TTC28: variants seen among roughly 807,000 people sequenced by gnomAD.
TTC28 encodes tetratricopeptide repeat protein 28.
In TTC28, 61 loss-of-function variants were observed where a neutral mutation model predicts 198.0. The ratio of observed to expected loss-of-function variants is 0.31; its 90% CI spans 0.25 to 0.38. TTC28 has a LOEUF of 0.38. TTC28 is among the 10% of genes least tolerant of loss of function. The pLI, the probability that TTC28 is intolerant of heterozygous loss-of-function variation, is 1.00. For missense variants in TTC28, 2,678 were observed against 3,164.0 expected (o/e 0.85, Z 3.69); for synonymous variants, 1,171 against 1,297.8 (o/e 0.90, Z 2.10).
At chr22:28,074,635 G>T (rs12170558) in intron 12 of TTC28, among the ~76,000 whole-genome samples, 10,124 of 152,278 alleles carry the variant, frequency 0.066, 395 homozygotes, top group South Asian at 0.089. Context: ...GCCTAGATCA[G>T]TCTGAATTCC....
chr22:28,327,349 C>T (rs572050487), intron 2 of TTC28, among the ~76,000 whole-genome samples: 6 of 152,192 alleles, frequency 3.9e-5, no homozygotes, highest in South Asian at 4.2e-4. Context: ...ATAGTACTAA[C>T]GTGTTATCTA....
intron 1 of TTC28, among the ~76,000 whole-genome samples, chr22:28,645,223 C>A (rs112958841): frequency 0.01 from 1,536 of 152,160 alleles, 34 homozygotes; most frequent in East Asian, 0.082. Context: ...AATAATAATG[C>A]TCCAGTTCAA....
chr22:28,281,997 G>C (rs2044591639), intron 5 of TTC28, among the ~76,000 whole-genome samples: 1 of 152,120 alleles, frequency 6.6e-6, no homozygotes, highest in African/African-American at 2.4e-5. Flanking sequence ...CAATCAATAA[G>C]GCTACAAGTT....
At chr22:28,134,728 T>C (rs1329285259) in intron 6 of TTC28, among the ~76,000 whole-genome samples, 1 of 152,042 alleles carries the variant, frequency 6.6e-6, no homozygotes, top group Non-Finnish European at 1.5e-5. Flanking sequence ...CTGACTGGTG[T>C]ACCTGAAAGT....
chr22:27,994,989 G>A (rs901387372), intron 17 of TTC28, among the ~76,000 whole-genome samples: 14 of 152,182 alleles, frequency 9.2e-5, no homozygotes, highest in Non-Finnish European at 1.6e-4. Flanking sequence ...GGGGCACGCT[G>A]GGGGCTTGCT....
In TTC28 at chr22:27,999,132, T is replaced by C; in HGVS notation, c.4527A>G (p.Glu1509=). ...WLWGPMPSAE[E]EAYMVSELLG... is the part of the protein sequence containing the mutation. ...GCAGCTCGGACACCATGTAGGCCTCTTCCTCGGCCGATGGCATGGGCCCCC... is the reference window on the plus strand; with the variant it reads ...GCAGCTCGGACACCATGTAGGCCTCCTCCTCGGCCGATGGCATGGGCCCCC... The change falls in exon 16 of 23, where the codon GAA becomes GAG. Residue 1509 remains glutamate (E), a synonymous_variant. Transcript: ENST00000397906. The C allele has an allele frequency of 6.4e-7, 1 of 1,550,574 alleles. No individual in the cohort carries two copies. Among genetic ancestry groups the C allele is most frequent in the Non-Finnish European group, 8.7e-7 (1 of 1,146,994 alleles).
At chr22:28,070,084 T>A (rs1256907226) in intron 12 of TTC28, among the ~76,000 whole-genome samples, 1 of 152,164 alleles carries the variant, frequency 6.6e-6, no homozygotes, top group Non-Finnish European at 1.5e-5. Context: ...CTAGCAATGA[T>A]CAGAAAACGT....
chr22:28,043,259 A>G (rs932530627), intron 12 of TTC28, among the ~76,000 whole-genome samples: 28 of 150,548 alleles, frequency 1.9e-4, no homozygotes, highest in African/African-American at 4.4e-4. Flanking sequence ...AAAAAAAAAA[A>G]AAAAAAAAAA....
chr22:28,464,974 C>T (rs1223985502), intron 2 of TTC28, among the ~76,000 whole-genome samples: 2 of 152,174 alleles, frequency 1.3e-5, no homozygotes, highest in Non-Finnish European at 2.9e-5. Flanking sequence ...AGACTTCACA[C>T]CAGATGCTTT....
chr22:28,414,156 T>C (rs2047131691), intron 2 of TTC28, among the ~76,000 whole-genome samples: 1 of 152,198 alleles, frequency 6.6e-6, no homozygotes, highest in East Asian at 1.9e-4. Context: ...CCAAGTAAAA[T>C]GAGTAAGTAC....
chr22:28,167,725 C>T (rs975583150), intron 5 of TTC28, among the ~76,000 whole-genome samples: 6 of 152,144 alleles, frequency 3.9e-5, no homozygotes, highest in African/African-American at 1.4e-4. Flanking sequence ...TACTGAATGG[C>T]CAAAAACTGG....
chr22:28,018,676 C>T (rs753679222), intron 13 of TTC28, among the ~76,000 whole-genome samples: 7 of 152,172 alleles, frequency 4.6e-5, no homozygotes, highest in Non-Finnish European at 8.8e-5. Flanking sequence ...TGCCCTGGGA[C>T]TGATAGGCTC....
At chr22:28,430,035 G>GATT (rs2047408608) in intron 2 of TTC28, among the ~76,000 whole-genome samples, 1 of 116,692 alleles carries the variant, frequency 8.6e-6, no homozygotes, top group Non-Finnish European at 1.8e-5. Flanking sequence ...TCTGGAATAT[G>GATT]ATTTTTTTTT....
intron 2 of TTC28, among the ~76,000 whole-genome samples, chr22:28,481,472 T>C (rs2048245979): frequency 6.6e-6 from 1 of 152,204 alleles, no homozygotes; most frequent in South Asian, 2.1e-4. Context: ...CATAAAAGGA[T>C]ATACTTTAGT....
intron 5 of TTC28, among the ~76,000 whole-genome samples, chr22:28,282,023 T>TA (rs1272046825): frequency 2.8e-4 from 43 of 152,110 alleles, no homozygotes; most frequent in Admixed American, 6.5e-4. Flanking sequence ...ATAATTTTAG[T>TA]AGCACTGTGA....
In TTC28 at chr22:28,547,215, AGTGT is replaced by A. The variant is rs113464807; in HGVS notation, c.381+82333_381+82336del. Reference sequence around the variant, plus strand: ...CTGCATGTGTGTATGTGTGTGTGTGAGTGTGTGTGTGTGTGTGTGTCTTATGCAC... The same window carrying A: ...CTGCATGTGTGTATGTGTGTGTGTGAGTGTGTGTGTGTGTGTCTTATGCAC... On this transcript the variant is annotated intron_variant, in intron 2 of 22. Transcript: ENST00000397906. 4.1e-4 allele frequency among the ~76,000 whole-genome samples: 61 copies of A among 149,688 alleles called. 1 individual carries two copies. The South Asian group carries it at 5.1e-3, about 12-fold the overall frequency.
chr22:28,247,948 A>T lies in TTC28; in HGVS notation c.933+48250T>A, dbSNP rs532968984. ...AGATTTGCATTTTTAATACAAAAAAAATCCCTTTTAGAAGCAGCTAGTAAA... is the reference window on the plus strand; with the variant it reads ...AGATTTGCATTTTTAATACAAAAAATATCCCTTTTAGAAGCAGCTAGTAAA... On this transcript the variant is annotated intron_variant, in intron 5 of 22. Coordinates refer to ENST00000397906, the MANE Select transcript of TTC28 (RefSeq NM_001145418.2). 9.8e-4 allele frequency among the ~76,000 whole-genome samples: 150 copies of T among 152,316 alleles called. 2 individuals are homozygous for T. Among genetic ancestry groups the T allele is most frequent in the South Asian group, 7.0e-3 (34 of 4,832 alleles).
intron 5 of TTC28, among the ~76,000 whole-genome samples, chr22:28,200,108 C>T (rs1925793942): frequency 6.6e-6 from 1 of 151,956 alleles, no homozygotes; most frequent in Non-Finnish European, 1.5e-5. Context: ...GACAGAGTCT[C>T]GCTATATTGC....
At chr22:28,175,687 G>A (rs1269802263) in intron 5 of TTC28, among the ~76,000 whole-genome samples, 2 of 151,896 alleles carry the variant, frequency 1.3e-5, no homozygotes, top group Non-Finnish European at 2.9e-5. Context: ...GAGCCGAGAT[G>A]GCACCACTGC....
Sources: allele counts gnomAD v4.1 joint callset (sites outside exome capture counted in the v4.1 genomes callset), GRCh38; gene constraint gnomAD v4.1.1; transcripts MANE v1.5; gene names NCBI Gene and HGNC (gene_info 2026-07-23, HGNC 2026-07-21).